The following TPO variants were observed in gnomAD, a reference collection of about 807,000 sequenced individuals.
TPO encodes the protein thyroid microsomal antigen.
Under a neutral mutation model 96.9 loss-of-function variants are expected in TPO, and 78 were observed. The observed-to-expected ratio is 0.81, with a 90% CI of 0.67 to 0.97. The LOEUF (loss-of-function observed/expected upper bound fraction) is 0.97, where lower values mean the gene tolerates loss of function less well. Among genes scored for constraint, TPO ranks in the 50% least tolerant of loss-of-function variants. The pLI is 0.00. For synonymous variants in TPO, 547 were observed against 538.0 expected (o/e 1.02, Z -0.23); for missense variants, 1,252 against 1,274.8 (o/e 0.98, Z 0.27).
intron 7 of TPO, among the ~76,000 whole-genome samples, chr2:1,472,306 C>G (rs1669498613): frequency 6.6e-6 from 1 of 151,902 alleles, no homozygotes; most frequent in South Asian, 2.1e-4. Context: ...ATGTCCTTCC[C>G]TTGATCCAAA....
At chr2:1,479,782 CCTT>C (rs992144695) in intron 8 of TPO, among the ~76,000 whole-genome samples, 33 of 139,136 alleles carry the variant, frequency 2.4e-4, no homozygotes, top group Middle Eastern at 3.6e-3. Flanking sequence ...TTCTTCTTCT[CCTT>C]CTTCTTCTTT....
chr2:1,495,908 G>A (rs1672283025), intron 11 of TPO, 81 bp from the exon 12 acceptor site: 1 of 1,469,984 alleles, frequency 6.8e-7, no homozygotes. Context: ...GCAGCACACA[G>A]CTGTGGGCAG....
intron 1 of TPO, among the ~76,000 whole-genome samples, chr2:1,405,372 T>G (rs1440993913): frequency 2.7e-5 from 4 of 150,308 alleles, no homozygotes; most frequent in Non-Finnish European, 5.9e-5. Flanking sequence ...CATCCACCCA[T>G]TCACCCATCC....
chr2:1,513,147 G>A (rs529523517), intron 14 of TPO, among the ~76,000 whole-genome samples: 2 of 152,330 alleles, frequency 1.3e-5, no homozygotes, highest in Non-Finnish European at 2.9e-5. Context: ...ACTGCTGGCT[G>A]GAACACCCAA....
intron 1 of TPO, among the ~76,000 whole-genome samples, chr2:1,376,053 C>A (rs932645614): frequency 3.3e-5 from 5 of 152,348 alleles, no homozygotes; most frequent in Admixed American, 1.3e-4. Flanking sequence ...ACACCCAGCA[C>A]GTGCATCGTG....
intron 13 of TPO, 33 bp downstream of exon 13, chr2:1,496,798 A>G (rs759599829): frequency 1.2e-6 from 2 of 1,613,940 alleles, no homozygotes; most frequent in Non-Finnish European, 1.7e-6. Context: ...ATTACAAAAC[A>G]TCTGAATGTT....
chr2:1,460,315 T>C (rs1409089148), intron 7 of TPO, among the ~76,000 whole-genome samples: 1 of 152,138 alleles, frequency 6.6e-6, no homozygotes, highest in African/African-American at 2.4e-5. Context: ...CAGAAGTACC[T>C]GTATCTTCAG....
At chr2:1,396,422 CA>C (rs539320925) in intron 1 of TPO, among the ~76,000 whole-genome samples, 80 of 152,358 alleles carry the variant, frequency 5.3e-4, no homozygotes, top group African/African-American at 1.8e-3. Context: ...CAGTTCACAG[CA>C]ATGTCTTCCG....
intron 5 of TPO, among the ~76,000 whole-genome samples, chr2:1,450,032 G>T (rs530682287): frequency 3.0e-4 from 46 of 152,216 alleles, no homozygotes; most frequent in Non-Finnish European, 1.8e-4. Flanking sequence ...ATGAATCCTC[G>T]CACACCTGGC....
chr2:1,399,526 C>T (rs1187503477), intron 1 of TPO, among the ~76,000 whole-genome samples: 7 of 152,236 alleles, frequency 4.6e-5, no homozygotes, highest in African/African-American at 1.7e-4. Context: ...TATAACAATA[C>T]CCAGAATGAT....
At chr2:1,446,344 A>T (rs7602540) in intron 5 of TPO, among the ~76,000 whole-genome samples, 120,531 of 152,126 alleles carry the variant, frequency 0.79, 48,284 homozygotes, top group Non-Finnish European at 0.85. Flanking sequence ...GGAGACACTC[A>T]TCGTTACAGG....
At chr2:1,509,738 TTTCAGGGACACCCCACCCCCTTC>T (rs1673886560) in intron 14 of TPO, among the ~76,000 whole-genome samples, 2 of 151,772 alleles carry the variant, frequency 1.3e-5, no homozygotes, top group Non-Finnish European at 2.9e-5. Flanking sequence ...CACCCTCTTG[TTTCAGGGACACCCCACCCCCTTC>T]TTTCAGGGAC....
At chr2:1,472,352 C>T (rs1365604448) in intron 7 of TPO, among the ~76,000 whole-genome samples, 4 of 152,096 alleles carry the variant, frequency 2.6e-5, no homozygotes, top group African/African-American at 9.7e-5. Context: ...TCTGAGTGCT[C>T]ATAGTGTGCT....
chr2:1,465,835 T>C (rs373004136), intron 7 of TPO, among the ~76,000 whole-genome samples: 10 of 152,290 alleles, frequency 6.6e-5, no homozygotes, highest in East Asian at 5.8e-4. Flanking sequence ...AATCATATCA[T>C]TAGCAAACAG....
At chr2:1,524,952 TGC>T (rs1676088119) in intron 15 of TPO, among the ~76,000 whole-genome samples, 1 of 114,116 alleles carries the variant, frequency 8.8e-6, no homozygotes, top group African/African-American at 3.7e-5. Flanking sequence ...CCCGACTCTG[TGC>T]AACCTCCCCA....
chr2:1,392,564 G>A (rs1662018971), intron 1 of TPO, among the ~76,000 whole-genome samples: 2 of 152,318 alleles, frequency 1.3e-5, no homozygotes, highest in South Asian at 4.1e-4. Flanking sequence ...GATTGGAATA[G>A]TGTCAGAAGG....
chr2:1,388,674 C>A (rs1265256638), intron 1 of TPO, among the ~76,000 whole-genome samples: 2 of 152,188 alleles, frequency 1.3e-5, no homozygotes, highest in African/African-American at 4.8e-5. Context: ...GAGGTGATGC[C>A]TCGCCCTGCT....
At chr2:1,539,200 T>C (rs1680436874) in intron 15 of TPO, among the ~76,000 whole-genome samples, 1 of 152,186 alleles carries the variant, frequency 6.6e-6, no homozygotes, top group Non-Finnish European at 1.5e-5. Flanking sequence ...GAATGAGAAA[T>C]TAATGTGCTT....
chr2:1,537,994 A>AC (rs538720468), intron 15 of TPO, among the ~76,000 whole-genome samples: 1,232 of 44,396 alleles, frequency 0.028, 27 homozygotes, highest in South Asian at 0.093. Context: ...ACTCTGTGCA[A>AC]CCCCCCCAAA....
Sources: allele counts gnomAD v4.1 joint callset (sites outside exome capture counted in the v4.1 genomes callset), GRCh38; gene constraint gnomAD v4.1.1; transcripts MANE v1.5; gene names NCBI Gene and HGNC (gene_info 2026-07-23, HGNC 2026-07-21).